The following GRID1 variants were observed in gnomAD, a reference collection of about 807,000 sequenced individuals.
GRID1 encodes glutamate receptor ionotropic, delta-1.
Under a neutral mutation model 98.0 loss-of-function variants are expected in GRID1, and 28 were observed. That is an observed-to-expected ratio of 0.29 (90% CI 0.21 to 0.39). The LOEUF (loss-of-function observed/expected upper bound fraction) is 0.39. Among genes scored for constraint, GRID1 ranks in the 10% least tolerant of loss-of-function variants. GRID1 has a pLI of 1.00. For synonymous variants in GRID1, 553 were observed against 538.5 expected (o/e 1.03, Z -0.37); for missense variants, 1,111 against 1,340.5 (o/e 0.83, Z 2.67).
chr10:86,027,397 T>A (rs1196428728), intron 4 of GRID1, among the ~76,000 whole-genome samples: 1 of 152,248 alleles, frequency 6.6e-6, no homozygotes, highest in Non-Finnish European at 1.5e-5. Flanking sequence ...TGTGTTCAAG[T>A]TTTATCCAAG....
intron 13 of GRID1, chr10:85,646,537 G>A (rs1424221063): frequency 1.3e-5 from 2 of 153,008 alleles, no homozygotes; most frequent in Non-Finnish European, 2.9e-5. Context: ...TGCTGAATTC[G>A]AGTCATTGTG....
chr10:86,187,965 A>G (rs576459659), intron 3 of GRID1, among the ~76,000 whole-genome samples: 2 of 152,300 alleles, frequency 1.3e-5, no homozygotes, highest in African/African-American at 4.8e-5. Context: ...CCAAAAGCCC[A>G]TTGGTGGGTG....
At chr10:85,772,689 A>G (rs1328239651) in intron 8 of GRID1, among the ~76,000 whole-genome samples, 1 of 152,218 alleles carries the variant, frequency 6.6e-6, no homozygotes, top group Non-Finnish European at 1.5e-5. Context: ...AGAATACTAT[A>G]AACACCTCTA....
chr10:85,804,408 A>G (rs967598392), intron 8 of GRID1, among the ~76,000 whole-genome samples: 1 of 151,928 alleles, frequency 6.6e-6, no homozygotes, highest in African/African-American at 2.4e-5. Context: ...CAAAGAAAAT[A>G]CAGGTCTACA....
chr10:85,949,803 C>T (rs1347238251), intron 4 of GRID1, among the ~76,000 whole-genome samples: 4 of 152,118 alleles, frequency 2.6e-5, no homozygotes, highest in African/African-American at 4.8e-5. Context: ...GCAAAAATGT[C>T]TAGTTGTTCC....
At chr10:86,232,208 A>G (rs1846466405) in intron 2 of GRID1, among the ~76,000 whole-genome samples, 1 of 152,168 alleles carries the variant, frequency 6.6e-6, no homozygotes, top group Non-Finnish European at 1.5e-5. Flanking sequence ...GGAGGGCCCC[A>G]GGGGAATAAC....
chr10:86,181,457 T>C (rs1344509837), intron 3 of GRID1, among the ~76,000 whole-genome samples: 18 of 152,168 alleles, frequency 1.2e-4, no homozygotes, highest in Non-Finnish European at 1.5e-5. Context: ...CCAGCCCCGC[T>C]AGTACATGGG....
chr10:85,617,461 T>C (rs1452247460), intron 14 of GRID1, among the ~76,000 whole-genome samples: 4 of 152,154 alleles, frequency 2.6e-5, no homozygotes, highest in African/African-American at 9.7e-5. Flanking sequence ...CTTGAACTCC[T>C]GGCCTCACGT....
chr10:85,980,248 G>T (rs1475287299), intron 4 of GRID1, among the ~76,000 whole-genome samples: 1 of 152,218 alleles, frequency 6.6e-6, no homozygotes, highest in Non-Finnish European at 1.5e-5. Flanking sequence ...CACAGCCCCT[G>T]TTGGATAGTG....
At chr10:86,045,333 G>A (rs771876628) in intron 4 of GRID1, among the ~76,000 whole-genome samples, 6 of 152,122 alleles carry the variant, frequency 3.9e-5, no homozygotes, top group Non-Finnish European at 8.8e-5. Context: ...CCGAGGTCTC[G>A]AAGCACTGGG....
intron 2 of GRID1, among the ~76,000 whole-genome samples, chr10:86,346,010 A>T (rs1848375929): frequency 6.6e-6 from 1 of 152,112 alleles, no homozygotes; most frequent in African/African-American, 2.4e-5. Context: ...CCCCTGGTTA[A>T]CCCCAAGCCC....
chr10:86,119,400 A>G (rs1844633348), intron 4 of GRID1, among the ~76,000 whole-genome samples: 1 of 152,212 alleles, frequency 6.6e-6, no homozygotes, highest in Admixed American at 6.5e-5. Flanking sequence ...TTAATAATGT[A>G]TCAATATTGG....
chr10:85,924,037 G>A (rs1841742583), intron 4 of GRID1, among the ~76,000 whole-genome samples: 1 of 152,152 alleles, frequency 6.6e-6, no homozygotes, highest in Non-Finnish European at 1.5e-5. Context: ...CCAAAGCCTG[G>A]TCTAATTACC....
chr10:85,916,245 GAGAGAAAA>G lies in GRID1; in HGVS notation c.727-14_727-7del. ...GCCAGGTTGGTCTCCACGGCCTGCA[GAGAGAAAA>G]AGAACGAACATGAACAGAAGCAAGA... On this transcript the variant is annotated splice_polypyrimidine_tract_variant and splice_region_variant and intron_variant, in intron 4 of 15. Transcript: ENST00000327946. The surrounding 1 kb of genome is among the most constrained non-coding windows in gnomAD (Gnocchi z 4.0). 6.2e-7 allele frequency: 1 copy of G among 1,609,628 alleles called. No individual in the cohort carries two copies. Among genetic ancestry groups the G allele is most frequent in the Non-Finnish European group, 8.5e-7 (1 of 1,175,940 alleles).
intron 6 of GRID1, 116 bp downstream of exon 6, chr10:85,868,894 A>G: frequency 1.3e-6 from 1 of 743,152 alleles, no homozygotes; most frequent in Non-Finnish European, 2.3e-6. Flanking sequence ...AACAAATGAC[A>G]GAGCTCTAGT....
intron 12 of GRID1, among the ~76,000 whole-genome samples, chr10:85,678,662 C>T (rs1294047102): frequency 6.6e-6 from 1 of 152,158 alleles, no homozygotes; most frequent in Admixed American, 6.5e-5. Flanking sequence ...CTTTACCTTG[C>T]CTCTGGCTAC....
intron 5 of GRID1, among the ~76,000 whole-genome samples, chr10:85,898,252 C>T (rs1188810810): frequency 6.6e-6 from 1 of 152,120 alleles, no homozygotes; most frequent in Admixed American, 6.6e-5. Flanking sequence ...AATTGTACAA[C>T]TGTATAGGAC....
chr10:86,088,967 C>T (rs927515258), intron 4 of GRID1, among the ~76,000 whole-genome samples: 1 of 151,994 alleles, frequency 6.6e-6, no homozygotes, highest in Non-Finnish European at 1.5e-5. Flanking sequence ...GGTAGGCTAC[C>T]AAGACAGAAA....
chr10:85,918,932 T>G (rs1488150691), intron 4 of GRID1, among the ~76,000 whole-genome samples: 2 of 152,118 alleles, frequency 1.3e-5, no homozygotes, highest in Admixed American at 1.3e-4. Flanking sequence ...CGGCTGTGTT[T>G]AAGAACCTCC....
Sources: allele counts gnomAD v4.1 joint callset (sites outside exome capture counted in the v4.1 genomes callset), GRCh38; gene constraint gnomAD v4.1.1; non-coding constraint Gnocchi (gnomAD v3.1); transcripts MANE v1.5; gene names NCBI Gene and HGNC (gene_info 2026-07-23, HGNC 2026-07-21).